NRIP1: variants seen among roughly 807,000 people sequenced by gnomAD.
NRIP1 encodes the protein nuclear receptor-interacting protein 1.
NRIP1 carries 28 observed loss-of-function variants against 75.0 expected under a neutral mutation model. That is an observed-to-expected ratio of 0.37 (90% CI 0.28 to 0.51). The LOEUF is 0.51. NRIP1 is among the 20% of genes least tolerant of loss of function. The pLI, the probability that NRIP1 is intolerant of heterozygous loss-of-function variation, is 0.92. For missense variants in NRIP1, 1,435 were observed against 1,343.7 expected (o/e 1.07, Z -1.06); for synonymous variants, 526 against 487.6 (o/e 1.08, Z -1.04).
intron 3 of NRIP1, among the ~76,000 whole-genome samples, chr21:14,982,765 A>G (rs2087281788): frequency 6.8e-6 from 1 of 147,082 alleles, no homozygotes; most frequent in African/African-American, 2.5e-5. Context: ...TCTGTTGAGG[A>G]AGTCTATTGG....
chr21:14,987,699 T>C (rs1220841325), intron 3 of NRIP1, among the ~76,000 whole-genome samples: 1 of 152,214 alleles, frequency 6.6e-6, no homozygotes, highest in African/African-American at 2.4e-5. Context: ...ATTTTACATT[T>C]TAAAAGCCCT....
At chr21:15,039,197 C>T (rs1362746749) in intron 2 of NRIP1, among the ~76,000 whole-genome samples, 2 of 151,954 alleles carry the variant, frequency 1.3e-5, no homozygotes, top group East Asian at 3.9e-4. Flanking sequence ...TTCTTACTAC[C>T]CAATAAGAAT....
chr21:14,982,342 T>C (rs1047781267), intron 3 of NRIP1, among the ~76,000 whole-genome samples: 4 of 152,184 alleles, frequency 2.6e-5, no homozygotes, highest in Non-Finnish European at 5.9e-5. Context: ...AACAGGGCAG[T>C]AAGAAGAATA....
At chr21:14,981,292 C>T (rs530453620) in intron 3 of NRIP1, among the ~76,000 whole-genome samples, 42 of 152,326 alleles carry the variant, frequency 2.8e-4, no homozygotes, top group African/African-American at 6.7e-4. Context: ...GAAGAAACTG[C>T]GGTGCGTGCT....
intron 3 of NRIP1, among the ~76,000 whole-genome samples, chr21:14,973,850 T>A (rs1166468820): frequency 6.7e-6 from 1 of 149,856 alleles, no homozygotes; most frequent in Non-Finnish European, 1.5e-5. Flanking sequence ...CTGATTTTTT[T>A]TTTTTTTTTT....
Position 14,964,684 on chromosome 21 carries a change from A to T in NRIP1, c.*32T>A. 6.8e-7 allele frequency: 1 copy of T among 1,460,984 alleles called. No individual in the cohort carries two copies. Among genetic ancestry groups the T allele is most frequent in the Non-Finnish European group, 9.2e-7 (1 of 1,087,756 alleles). The allele number at this position is 1,460,984 out of a possible 1,614,324, so 90.5% of individuals were successfully genotyped here. A position where few individuals can be genotyped will look rare whatever the true frequency, so the allele number is the denominator to read the frequency against. On this transcript the variant is annotated 3_prime_UTR_variant, in exon 4 of 4. Transcript: ENST00000318948. ...TCTCAAGTTCATACTCATTAGTTTT[A>T]AAAAGATCCAAAACTGGATGGCAGG...
intron 2 of NRIP1, among the ~76,000 whole-genome samples, chr21:15,042,192 G>C (rs1357163754): frequency 6.6e-6 from 1 of 152,106 alleles, no homozygotes; most frequent in Non-Finnish European, 1.5e-5. Context: ...AGCTAATAAA[G>C]TTACATCTGT....
At chr21:14,980,344 T>C (rs1051544229) in intron 3 of NRIP1, among the ~76,000 whole-genome samples, 1 of 151,914 alleles carries the variant, frequency 6.6e-6, no homozygotes, top group African/African-American at 2.4e-5. Flanking sequence ...CACAGTGGCA[T>C]GAGCCTGTAA....
intron 1 of NRIP1, among the ~76,000 whole-genome samples, chr21:15,057,039 C>T (rs1226011310): frequency 6.6e-6 from 1 of 152,164 alleles, no homozygotes; most frequent in Non-Finnish European, 1.5e-5. Flanking sequence ...GTCAACTACT[C>T]CTCATCTCTC....
chr21:14,997,698 A>G (rs2087763156), intron 3 of NRIP1, among the ~76,000 whole-genome samples: 1 of 149,008 alleles, frequency 6.7e-6, no homozygotes, highest in Admixed American at 6.7e-5. Flanking sequence ...TATATATGAA[A>G]AAATATATTT....
chr21:15,055,424 ATTCTT>A (rs2089285660), intron 1 of NRIP1, among the ~76,000 whole-genome samples: 1 of 152,246 alleles, frequency 6.6e-6, no homozygotes, highest in Non-Finnish European at 1.5e-5. Flanking sequence ...TAACTGTACT[ATTCTT>A]TTTTTAAATT....
chr21:15,019,677 G>A (rs781087657), intron 2 of NRIP1, among the ~76,000 whole-genome samples: 7 of 151,138 alleles, frequency 4.6e-5, no homozygotes, highest in Non-Finnish European at 1.0e-4. Context: ...TAGTAGAGAC[G>A]GGATTTCACT....
At chr21:15,004,725 A>G (rs1385539913) in intron 3 of NRIP1, among the ~76,000 whole-genome samples, 2 of 152,216 alleles carry the variant, frequency 1.3e-5, no homozygotes, top group Admixed American at 6.5e-5. Context: ...TCCATAGAAA[A>G]AAGATGGTCT....
intron 3 of NRIP1, among the ~76,000 whole-genome samples, chr21:14,972,483 T>G (rs2086930034): frequency 6.6e-6 from 1 of 152,182 alleles, no homozygotes; most frequent in African/African-American, 2.4e-5. Context: ...AATATTAGCT[T>G]AACTCATTTT....
chr21:14,998,912 G>A (rs921907086), intron 3 of NRIP1, among the ~76,000 whole-genome samples: 1 of 152,166 alleles, frequency 6.6e-6, no homozygotes, highest in African/African-American at 2.4e-5. Flanking sequence ...AAAGTTATAT[G>A]CAAATGTTTT....
At chr21:15,063,827 C>G (rs971212565) in intron 1 of NRIP1, among the ~76,000 whole-genome samples, 2 of 152,192 alleles carry the variant, frequency 1.3e-5, no homozygotes, top group Non-Finnish European at 2.9e-5. Flanking sequence ...TTCCGTACTT[C>G]TTTTACTACC....
chr21:15,063,399 T>C (rs1223847828), intron 1 of NRIP1, among the ~76,000 whole-genome samples: 1 of 152,228 alleles, frequency 6.6e-6, no homozygotes, highest in Non-Finnish European at 1.5e-5. Context: ...GTTTAAAAAG[T>C]CTATTATTTC....
chr21:15,032,279 CATT>C (rs1284591681), intron 2 of NRIP1, among the ~76,000 whole-genome samples: 1 of 152,210 alleles, frequency 6.6e-6, no homozygotes, highest in South Asian at 2.1e-4. Context: ...CACACTGCCT[CATT>C]ATAAAAGTCT....
At chr21:15,052,920 A>T (rs1186205196) in intron 1 of NRIP1, among the ~76,000 whole-genome samples, 1 of 152,232 alleles carries the variant, frequency 6.6e-6, no homozygotes, top group Non-Finnish European at 1.5e-5. Flanking sequence ...GATCAGTAAC[A>T]TAAAACAAAA....
Sources: gnomAD v4.1 joint callset for allele counts (sites outside exome capture counted in the v4.1 genomes callset) on GRCh38, gnomAD v4.1.1 for gene constraint, MANE v1.5 for transcripts, NCBI Gene and HGNC (gene_info 2026-07-23, HGNC 2026-07-21) for gene names.